The following KCNH7 variants were observed in gnomAD, a reference collection of about 807,000 sequenced individuals.
The protein encoded by KCNH7 is potassium voltage-gated channel subfamily H member 7, also known as voltage-gated inwardly rectifying potassium channel KCNH7.
A neutral mutation model predicts 120.8 loss-of-function variants in KCNH7; 49 were observed. The ratio of observed to expected loss-of-function variants is 0.41; its 90% CI spans 0.32 to 0.51. KCNH7 has a LOEUF of 0.51. Ranked by LOEUF, KCNH7 falls within the 20% of genes least tolerant of loss-of-function variation. The pLI is 0.38. For missense variants in KCNH7, 1,097 were observed against 1,446.6 expected (o/e 0.76, Z 3.92); for synonymous variants, 547 against 516.1 (o/e 1.06, Z -0.81).
intron 2 of KCNH7, among the ~76,000 whole-genome samples, chr2:162,800,244 C>T (rs760623231): frequency 2.0e-5 from 3 of 151,322 alleles, no homozygotes; most frequent in Non-Finnish European, 3.0e-5. Context: ...TTATTGCTGC[C>T]GTGATTTCAG....
At chr2:162,643,582 G>A (rs976042093) in intron 2 of KCNH7, among the ~76,000 whole-genome samples, 1 of 151,966 alleles carries the variant, frequency 6.6e-6, no homozygotes, top group Non-Finnish European at 1.5e-5. Flanking sequence ...GCCAAGGCTG[G>A]TGGATCACAA....
At chr2:162,756,289 G>C (rs73972003) in intron 2 of KCNH7, among the ~76,000 whole-genome samples, 3 of 152,066 alleles carry the variant, frequency 2.0e-5, no homozygotes, top group African/African-American at 7.2e-5. Flanking sequence ...TCCAATTCTA[G>C]TTAAGGTCAT....
chr2:162,425,305 T>C (rs1183054828), intron 8 of KCNH7, among the ~76,000 whole-genome samples: 3 of 152,088 alleles, frequency 2.0e-5, no homozygotes, highest in Admixed American at 6.6e-5. Context: ...ATCTAGTATC[T>C]ACCTATCTTT....
rs182402632 is a variant in KCNH7 at position 162,690,878 on chromosome 2, C to T, written c.307+145659G>A. Among the ~76,000 whole-genome samples the T allele has an allele frequency of 6.4e-4, 97 of 152,228 alleles. 1 individual carries two copies. The highest frequency in any genetic ancestry group is 2.2e-3 in the African/African-American group (91 of 41,552). ...TGCTTATATAATTTTCAGCACTATC[C>T]CATGTGCTGGAATTTCTTGGTCAGA... On this transcript the variant is annotated intron_variant, in intron 2 of 15. Transcript: ENST00000332142.
rs766485529 is a variant in KCNH7 at position 162,400,256 on chromosome 2, A to G, written c.2340T>C (p.Thr780=). 20 of 1,612,248 alleles carry G rather than the reference A, an allele frequency of 1.2e-5. No individual in the cohort carries two copies. Among genetic ancestry groups the G allele is most frequent in the Non-Finnish European group, 1.7e-5 (20 of 1,178,940 alleles). The change falls in exon 10 of 16, where the codon ACT becomes ACC. Residue 780 remains threonine, a synonymous_variant. Transcript: ENST00000332142. ...DTLVHCGDVL[T]ALYFLSRGSI... ...AGCCTCTGGATAAGAAATAAAGTGCAGTGAGGACATCCCCACAGTGAACGA... is the reference window on the plus strand; with the variant it reads ...AGCCTCTGGATAAGAAATAAAGTGCGGTGAGGACATCCCCACAGTGAACGA...
chr2:162,781,710 C>T (rs990391675), intron 2 of KCNH7, among the ~76,000 whole-genome samples: 1 of 152,112 alleles, frequency 6.6e-6, no homozygotes, highest in African/African-American at 2.4e-5. Flanking sequence ...GCAAATAAAT[C>T]TAGATACTTG....
At chr2:162,716,499 T>A (rs1395992729) in intron 2 of KCNH7, among the ~76,000 whole-genome samples, 1 of 152,198 alleles carries the variant, frequency 6.6e-6, no homozygotes, top group African/African-American at 2.4e-5. Context: ...TGTTCTTTCA[T>A]CTCTGTTTCC....
intron 6 of KCNH7, among the ~76,000 whole-genome samples, chr2:162,463,812 TA>T (rs769466935): frequency 0.017 from 2,266 of 132,514 alleles, 32 homozygotes; most frequent in African/African-American, 0.05. Flanking sequence ...AACAAAAAAG[TA>T]AAAAAAAAAA....
At chr2:162,628,920 A>C (rs1325437077) in intron 2 of KCNH7, among the ~76,000 whole-genome samples, 3 of 152,098 alleles carry the variant, frequency 2.0e-5, no homozygotes, top group Non-Finnish European at 4.4e-5. Context: ...CAAGTTCATG[A>C]ATGACAGAAC....
chr2:162,394,921 C>T lies in KCNH7; in HGVS notation c.2614-436G>A, dbSNP rs1365693323. On this transcript the variant is annotated intron_variant, in intron 11 of 15. Coordinates refer to ENST00000332142, the MANE Select transcript of KCNH7 (RefSeq NM_033272.4). ...GTTACTCCTCAGACAGCAAGACCAA[C>T]CATTCCTCTTCCTCCTCCTCCATAG... 2.0e-5 allele frequency among the ~76,000 whole-genome samples: 3 copies of T among 151,952 alleles called. No individual in the cohort carries two copies. In the Middle Eastern group the frequency reaches 0.01, roughly 517 times the overall value.
chr2:162,683,669 T>C (rs900594350), intron 2 of KCNH7, among the ~76,000 whole-genome samples: 4 of 151,932 alleles, frequency 2.6e-5, no homozygotes, highest in Non-Finnish European at 4.4e-5. Context: ...TCAAATTCAA[T>C]CATAGCATTT....
chr2:162,602,093 G>C (rs1694577700), intron 2 of KCNH7, among the ~76,000 whole-genome samples: 1 of 151,988 alleles, frequency 6.6e-6, no homozygotes, highest in African/African-American at 2.4e-5. Flanking sequence ...AATCTATTAG[G>C]ATATTTTGTA....
At chr2:162,763,254 T>C (rs1689026223) in intron 2 of KCNH7, among the ~76,000 whole-genome samples, 1 of 152,142 alleles carries the variant, frequency 6.6e-6, no homozygotes, top group African/African-American at 2.4e-5. Context: ...CAGTAAACAC[T>C]ACAAATATTA....
chr2:162,642,561 C>G (rs1684199452), intron 2 of KCNH7, among the ~76,000 whole-genome samples: 1 of 152,164 alleles, frequency 6.6e-6, no homozygotes, highest in Non-Finnish European at 1.5e-5. Context: ...ACATTGTGGG[C>G]TCTTGGAGAA....
At chr2:162,729,877 T>G (rs1687663190) in intron 2 of KCNH7, among the ~76,000 whole-genome samples, 1 of 152,126 alleles carries the variant, frequency 6.6e-6, no homozygotes, top group Non-Finnish European at 1.5e-5. Context: ...AATTATTTTG[T>G]GAAAATTTTT....
chr2:162,777,399 A>G (rs1275035525), intron 2 of KCNH7, among the ~76,000 whole-genome samples: 1 of 152,092 alleles, frequency 6.6e-6, no homozygotes, highest in African/African-American at 2.4e-5. Flanking sequence ...AAGTCTGTAC[A>G]TGTTTAGTAC....
At chr2:162,735,029 G>C (rs1213574817) in intron 2 of KCNH7, among the ~76,000 whole-genome samples, 2 of 152,118 alleles carry the variant, frequency 1.3e-5, no homozygotes, top group South Asian at 4.1e-4. Flanking sequence ...TCCTCCCTGG[G>C]ACACGACAAG....
At chr2:162,760,486 G>C (rs147471108) in intron 2 of KCNH7, among the ~76,000 whole-genome samples, 1 of 152,018 alleles carries the variant, frequency 6.6e-6, no homozygotes, top group East Asian at 1.9e-4. Context: ...ATAATTCTGC[G>C]TCCCCTTAAT....
intron 2 of KCNH7, among the ~76,000 whole-genome samples, chr2:162,598,638 A>C (rs1225434945): frequency 6.6e-6 from 1 of 152,038 alleles, no homozygotes; most frequent in African/African-American, 2.4e-5. Flanking sequence ...TGTAACCATC[A>C]CTCCTGTATT....
Sources: allele counts gnomAD v4.1 joint callset (sites outside exome capture counted in the v4.1 genomes callset), GRCh38; gene constraint gnomAD v4.1.1; transcripts MANE v1.5; gene names NCBI Gene and HGNC (gene_info 2026-07-23, HGNC 2026-07-21).